The following PCNX1 variants were observed in gnomAD, a reference collection of about 807,000 sequenced individuals.
PCNX1 encodes pecanex 1.
A neutral mutation model predicts 242.2 loss-of-function variants in PCNX1; 78 were observed. The ratio of observed to expected loss-of-function variants is 0.32; its 90% CI spans 0.27 to 0.39. The LOEUF (loss-of-function observed/expected upper bound fraction) is 0.39. Ranked by LOEUF, PCNX1 falls within the 10% of genes least tolerant of loss-of-function variation. The probability of loss-of-function intolerance (pLI) is 1.00; values close to 1 mark genes in which losing one functional copy is unlikely to be tolerated. For missense variants in PCNX1, 2,581 were observed against 2,856.5 expected (o/e 0.90, Z 2.20); for synonymous variants, 1,024 against 1,032.9 (o/e 0.99, Z 0.17).
At chr14:70,940,528 A>G (rs905572014) in intron 1 of PCNX1, among the ~76,000 whole-genome samples, 1 of 152,218 alleles carries the variant, frequency 6.6e-6, no homozygotes, top group Non-Finnish European at 1.5e-5. Context: ...CTTTGTGGGT[A>G]ACCTGACCTT....
chr14:70,970,016 G>A (rs1000845550), intron 5 of PCNX1: 1 of 151,518 alleles, frequency 6.6e-6, no homozygotes, highest in African/African-American at 2.4e-5. Flanking sequence ...ATGTATGTAT[G>A]TATGTATGTA....
In PCNX1 at chr14:70,947,278, T is replaced by C. The variant is rs74061499; in HGVS notation, c.362+155T>C. Among the ~76,000 whole-genome samples the C allele has an allele frequency of 8.5e-3, 1,295 of 152,296 alleles. 26 individuals carry two copies. The highest frequency in any genetic ancestry group is 0.029 in the African/African-American group (1,221 of 41,556). ...ATACAATGATGGGTACATATTTTAATATTAGAACAGAGCTAAGCTAACTGG... is the reference window on the plus strand; with the variant it reads ...ATACAATGATGGGTACATATTTTAACATTAGAACAGAGCTAAGCTAACTGG... On this transcript the variant is annotated intron_variant, in intron 2 of 35. Coordinates refer to ENST00000304743, the MANE Select transcript of PCNX1 (RefSeq NM_014982.3).
chr14:71,004,435 T>C (rs2059595983), intron 8 of PCNX1, among the ~76,000 whole-genome samples: 1 of 152,204 alleles, frequency 6.6e-6, no homozygotes. Flanking sequence ...AGCATTCAGT[T>C]TTCATAGGAG....
At position 71,109,815 on chromosome 14, in the gene PCNX1, T is replaced by G. The variant is rs2062719591; in HGVS notation, c.6906T>G (p.Pro2302=). Residue 2302 remains proline (P), a synonymous_variant, in exon 36 of 36, where the codon CCT becomes CCG. Transcript: ENST00000304743. ...ATTAGGTGATTCACCGATGGGTGCC[T>G]TGCAGCAGAGATCCAGGTACCAGAT... ...MEGHVIHRWV[P]CSRDPGTRSH... is the part of the protein sequence containing the mutation. The G allele has an allele frequency of 6.2e-7, 1 of 1,613,770 alleles. No homozygotes were observed. The highest frequency in any genetic ancestry group is 1.3e-5 in the African/African-American group (1 of 74,884).
chr14:70,975,568 A>T (rs946378196), intron 5 of PCNX1, among the ~76,000 whole-genome samples: 5 of 152,182 alleles, frequency 3.3e-5, no homozygotes, highest in Non-Finnish European at 7.4e-5. Flanking sequence ...TTGAGATTCT[A>T]CTGGGAAGAC....
At chr14:70,953,914 C>T (rs897393856) in intron 2 of PCNX1, among the ~76,000 whole-genome samples, 42 of 152,080 alleles carry the variant, frequency 2.8e-4, no homozygotes, top group African/African-American at 9.9e-4. Flanking sequence ...GTGATCCACC[C>T]GCCTCAGCCT....
chr14:70,967,861 A>G (rs1662421169), intron 3 of PCNX1, among the ~76,000 whole-genome samples: 1 of 152,184 alleles, frequency 6.6e-6, no homozygotes, highest in African/African-American at 2.4e-5. Context: ...TTTTGTTTAT[A>G]ACATGAACGT....
intron 6 of PCNX1, among the ~76,000 whole-genome samples, chr14:70,985,371 C>A (rs1221444125): frequency 6.6e-6 from 1 of 152,098 alleles, no homozygotes; most frequent in Non-Finnish European, 1.5e-5. Flanking sequence ...CCTGCCACCA[C>A]ACCCGCTAAT....
chr14:70,991,583 A>C (rs1356688955), intron 7 of PCNX1, among the ~76,000 whole-genome samples: 1 of 152,170 alleles, frequency 6.6e-6, no homozygotes. Flanking sequence ...GTTTTTGTTG[A>C]GGTTCCAGGA....
intron 18 of PCNX1, among the ~76,000 whole-genome samples, chr14:71,035,533 G>T (rs139548502): frequency 7.3e-5 from 11 of 151,710 alleles, no homozygotes; most frequent in African/African-American, 2.7e-4. Context: ...CAAGATGGGC[G>T]TATATCACTT....
chr14:71,091,528 C>T (rs1238766566), intron 30 of PCNX1, among the ~76,000 whole-genome samples: 1 of 151,986 alleles, frequency 6.6e-6, no homozygotes, highest in Non-Finnish European at 1.5e-5. Flanking sequence ...AAATTTGCAA[C>T]AATTTGAAAA....
At chr14:71,004,560 T>A (rs1158805952) in intron 8 of PCNX1, among the ~76,000 whole-genome samples, 1 of 152,170 alleles carries the variant, frequency 6.6e-6, no homozygotes, top group East Asian at 1.9e-4. Flanking sequence ...CGTCCTCCAA[T>A]CCCCTGGATC....
In PCNX1 at chr14:71,111,941, G is replaced by C. The variant is rs75910707; in HGVS notation, c.*2006G>C. 1,376 of 152,560 alleles carry C rather than the reference G, an allele frequency of 9.0e-3. 10 individuals are homozygous for C. The highest frequency in any genetic ancestry group is 0.012 in the Non-Finnish European group (842 of 67,918). The allele number at this position is 152,560 out of a possible 1,614,324, so 9.5% of individuals were successfully genotyped here. ...TTTGCCTCATTTTGGCAGATCTACA[G>C]TATGCCATTAAAGTTTAGTGTTGTT... On this transcript the variant is annotated 3_prime_UTR_variant, in exon 36 of 36. Transcript: ENST00000304743.
chr14:71,064,266 T>C (rs2061394093), intron 26 of PCNX1, among the ~76,000 whole-genome samples: 1 of 152,154 alleles, frequency 6.6e-6, no homozygotes, highest in African/African-American at 2.4e-5. Flanking sequence ...TTTTTTCAAT[T>C]ATTAATATTG....
chr14:70,992,710 C>G (rs1486577886), intron 7 of PCNX1, among the ~76,000 whole-genome samples: 4 of 152,106 alleles, frequency 2.6e-5, no homozygotes, highest in Non-Finnish European at 4.4e-5. Context: ...AAATTTCTAC[C>G]TTTTCTTTTG....
chr14:70,948,685 A>C (rs2057569201), intron 2 of PCNX1, among the ~76,000 whole-genome samples: 1 of 150,034 alleles, frequency 6.7e-6, no homozygotes, highest in Non-Finnish European at 1.5e-5. Flanking sequence ...AGATGTGTAT[A>C]TATACACGTG....
chr14:71,025,707 A>G (rs1342743429), intron 13 of PCNX1, among the ~76,000 whole-genome samples: 1 of 152,084 alleles, frequency 6.6e-6, no homozygotes, highest in East Asian at 1.9e-4. Context: ...GTGAAACTCC[A>G]TCTCTAAAAA....
In PCNX1 at chr14:71,003,010, A is replaced by C. The variant is rs560148879; in HGVS notation, c.2630-6624A>C. Among the ~76,000 whole-genome samples, 118 of 151,170 alleles carry C rather than the reference A, an allele frequency of 7.8e-4. 1 individual carries two copies. The highest frequency in any genetic ancestry group is 2.8e-3 in the African/African-American group (113 of 41,070). On this transcript the variant is annotated intron_variant, in intron 8 of 35. Coordinates refer to ENST00000304743, the MANE Select transcript of PCNX1 (RefSeq NM_014982.3). ...TTTGATGTGCTTATTGGCCACATAC[A>C]TATATATCTTCTTTTGTGAAGTGTG...
At chr14:71,089,905 A>G (rs1258926180) in intron 30 of PCNX1, among the ~76,000 whole-genome samples, 1 of 152,168 alleles carries the variant, frequency 6.6e-6, no homozygotes, top group African/African-American at 2.4e-5. Context: ...CTAATAGTAA[A>G]TTTGAATATT....
Sources: allele counts gnomAD v4.1 joint callset (sites outside exome capture counted in the v4.1 genomes callset), GRCh38; gene constraint gnomAD v4.1.1; transcripts MANE v1.5; gene names NCBI Gene and HGNC (gene_info 2026-07-23, HGNC 2026-07-21).